Variants in ZBTB47 observed in about 807,000 individuals in gnomAD.
The protein encoded by ZBTB47 is zinc finger and BTB domain-containing protein 47.
In ZBTB47, 24 loss-of-function variants were observed where a neutral mutation model predicts 56.6. The observed-to-expected ratio is 0.42, with a 90% confidence interval of 0.31 to 0.60. ZBTB47 has a LOEUF of 0.60. ZBTB47 is among the 20% of genes least tolerant of loss of function. The probability of loss-of-function intolerance (pLI) is 0.14; values close to 1 mark genes in which losing one functional copy is unlikely to be tolerated. For synonymous variants in ZBTB47, 414 were observed against 418.9 expected, an observed-to-expected ratio of 0.99 and a Z score of 0.14; for missense variants, 829 against 1,032.6, an observed-to-expected ratio of 0.80 and a Z score of 2.70.
Position 42,665,620 on chromosome 3 carries a change from G to A in ZBTB47, c.*1022G>A, listed in dbSNP as rs181142432. 412 of 152,980 alleles carry A rather than the reference G, an allele frequency of 2.7e-3. 2 individuals are homozygous for A. The highest frequency in any genetic ancestry group is 3.6e-3 in the Non-Finnish European group (248 of 68,274). The allele number at this position is 152,980 out of a possible 1,614,324, so 9.5% of individuals were successfully genotyped here. On this transcript the variant is annotated 3_prime_UTR_variant, in exon 6 of 6. Transcript: ENST00000232974. ...TCCATCTCTGCTCCCCCAAAGGCCC[G>A]CTCTAGGCCTTATCCTCCCTCTAGG... is the stretch of plus-strand genomic sequence containing the variant.
chr3:42,664,709 C>A lies in ZBTB47; in HGVS notation c.*111C>A. The A allele has an allele frequency of 8.0e-7, 1 of 1,256,656 alleles. No homozygotes were observed. The highest frequency in any genetic ancestry group is 1.0e-6 in the Non-Finnish European group (1 of 984,712). The allele number at this position is 1,256,656 out of a possible 1,614,324, so 77.8% of individuals were successfully genotyped here. Reference sequence around the variant, plus strand: ...TAGTGCGGGCCTGGGCCCTGCTCCACCTCCAGAAGTGGCTGGATGTACCCT... The same window carrying A: ...TAGTGCGGGCCTGGGCCCTGCTCCAACTCCAGAAGTGGCTGGATGTACCCT... On this transcript the variant is annotated 3_prime_UTR_variant, in exon 6 of 6. Transcript: ENST00000232974.
At position 42,654,583 on chromosome 3, in the gene ZBTB47, C is replaced by G; in HGVS notation, c.-82+700C>G. 1.4e-6 allele frequency: 1 copy of G among 691,780 alleles called. No individual in the cohort carries two copies. Among genetic ancestry groups the G allele is most frequent in the Non-Finnish European group, 1.8e-6 (1 of 563,158 alleles). 42.9% of individuals were successfully genotyped at this position (691,780 alleles called of 1,614,324 possible). ...GCCCCCGGGGGCCATGGTCGCGGGG[C>G]CCTGCGCGGGGGCGGCCCCCAGCGC... On this transcript the variant is annotated intron_variant, in intron 1 of 5. Coordinates refer to ENST00000232974, the MANE Select transcript of ZBTB47 (RefSeq NM_145166.4). The surrounding 1 kb of genome is among the most constrained non-coding windows in gnomAD (Gnocchi z 5.0).
chr3:42,664,591 A>G lies in ZBTB47; in HGVS notation c.2237A>G (p.Asn746Ser). The G allele has an allele frequency of 7.1e-7, 1 of 1,401,874 alleles. No homozygotes were observed. Among genetic ancestry groups the G allele is most frequent in the East Asian group, 3.0e-5 (1 of 33,768 alleles). The allele number at this position is 1,401,874 out of a possible 1,614,324, so 86.8% of individuals were successfully genotyped here. Residue 746 changes from asparagine to serine, a missense_variant, in exon 6 of 6, where the codon AAC becomes AGC. By Grantham distance (46) the Asn-to-Ser change is conservative (BLOSUM62 1). Around this residue, in one of 6 missense-constraint regions of ZBTB47, gnomAD observed 115 missense variants for 117.2 expected, o/e 0.98. Transcript: ENST00000232974. ...TASPGGRMNA[N>S]N Reference sequence around the variant, plus strand: ...AGCCCCGGCGGGAGGATGAACGCCAACAACTAGCTGCCGAGCTGCACCCGT... The same window carrying G: ...AGCCCCGGCGGGAGGATGAACGCCAGCAACTAGCTGCCGAGCTGCACCCGT...
intron 5 of ZBTB47, 78 bp downstream of exon 5, chr3:42,664,019 A>G: frequency 6.6e-7 from 1 of 1,517,238 alleles, no homozygotes; most frequent in African/African-American, 1.4e-5. Context: ...ACCTGGAATA[A>G]TCTTGGCCAC....
chr3:42,653,487 C>G (rs1027541832), upstream of ZBTB47, among the ~76,000 whole-genome samples: 1 of 152,178 alleles, frequency 6.6e-6, no homozygotes, highest in Non-Finnish European at 1.5e-5. Flanking sequence ...CCACAGAGGC[C>G]TCTCCTCTAC....
In ZBTB47 at chr3:42,654,337, G is replaced by C. The variant is rs1019731213; in HGVS notation, c.-82+454G>C. The C allele has an allele frequency of 1.3e-5, 2 of 151,456 alleles. No individual in the cohort carries two copies. Among genetic ancestry groups the C allele is most frequent in the East Asian group, 1.9e-4 (1 of 5,162 alleles). 9.4% of individuals were successfully genotyped at this position (151,456 alleles called of 1,614,324 possible). On this transcript the variant is annotated intron_variant, in intron 1 of 5. Coordinates refer to ENST00000232974, the MANE Select transcript of ZBTB47 (RefSeq NM_145166.4). The surrounding 1 kb of genome is among the most constrained non-coding windows in gnomAD (Gnocchi z 5.0). ...GGGCTGGGGGTGGAGGGCAGCCTGC[G>C]GCAGGGCGGGCTGCACGGGGACCGC...
At position 42,661,593 on chromosome 3, in the gene ZBTB47, A is replaced by T; in HGVS notation, c.1582A>T (p.Lys528Ter). The T allele has an allele frequency of 6.2e-7, 1 of 1,613,960 alleles. No individual in the cohort carries two copies. The highest frequency in any genetic ancestry group is 8.5e-7 in the Non-Finnish European group (1 of 1,179,860). ...GTTCTCATGCGAGATCTGTGAGAAG[A>T]AGTTCTACACCATGGCCCACGTGCG... Reference protein sequence around the residue: ...KKFSCEICEKKFYTMAHVRKH... With the variant: ...KKFSCEICEK Residue 528 changes from lysine to a stop codon, truncating the protein, a stop_gained, in exon 3 of 6, where the codon AAG (lysine) becomes TAG (stop). Transcript: ENST00000232974. LOFTEE classifies it high-confidence loss of function.
chr3:42,658,802 A>C lies in ZBTB47; in HGVS notation c.447A>C (p.Pro149=). The C allele has an allele frequency of 6.5e-7, 1 of 1,533,742 alleles. No homozygotes were observed. Among genetic ancestry groups the C allele is most frequent in the South Asian group, 1.2e-5 (1 of 83,610 alleles). The change falls in exon 2 of 6, where the codon CCA becomes CCC. Residue 149 remains proline, a synonymous_variant. Coordinates refer to ENST00000232974, the MANE Select transcript of ZBTB47 (RefSeq NM_145166.4). ...ACATCAAGCAGGAGGCCGACACCCC[A>C]GGCCTGCCCAAGATCTATGCCCGCG... ...YCDIKQEADT[P]GLPKIYAREG... is the part of the protein sequence containing the mutation.
chr3:42,664,034 C>A lies in ZBTB47; in HGVS notation c.1882+93C>A, dbSNP rs150215540. On this transcript the variant is annotated intron_variant, in intron 5 of 5. Coordinates refer to ENST00000232974, the MANE Select transcript of ZBTB47 (RefSeq NM_145166.4). Reference sequence around the variant, plus strand: ...ACCTGGAATAATCTTGGCCACACCCCTTCTCAAGTCTGGGCCTCCGTTTAC... The same window carrying A: ...ACCTGGAATAATCTTGGCCACACCCATTCTCAAGTCTGGGCCTCCGTTTAC... 3.6e-4 allele frequency: 539 copies of A among 1,492,490 alleles called. 5 individuals carry two copies. The East Asian group carries it at 0.01, about 29-fold the overall frequency. 92.5% of individuals were successfully genotyped at this position (1,492,490 alleles called of 1,614,324 possible). A position where few individuals can be genotyped will look rare whatever the true frequency, so the allele number is the denominator to read the frequency against.
rs1423540361 is a variant in ZBTB47 at position 42,658,895 on chromosome 3, C to T, written c.540C>T (p.Ala180=). Residue 180 remains alanine, a synonymous_variant, in exon 2 of 6, where the codon GCC becomes GCT. Coordinates refer to ENST00000232974, the MANE Select transcript of ZBTB47 (RefSeq NM_145166.4). ...GGACTGCTGGTGGCACAGTGCCTGCCACCATTGGGCCAGCCCAGCCCTTCT... is the reference window on the plus strand; with the variant it reads ...GGACTGCTGGTGGCACAGTGCCTGCTACCATTGGGCCAGCCCAGCCCTTCT... The part of the protein sequence containing the change: ...GAGTAGGTVP[A]TIGPAQPFFK... The T allele has an allele frequency of 2.0e-6, 3 of 1,508,792 alleles. No individual in the cohort carries two copies. The highest frequency in any genetic ancestry group is 2.6e-6 in the Non-Finnish European group (3 of 1,132,434). 93.5% of individuals were successfully genotyped at this position (1,508,792 alleles called of 1,614,324 possible).
Position 42,659,906 on chromosome 3 carries a change from T to A in ZBTB47, c.1473+78T>A, listed in dbSNP as rs1217390545. On this transcript the variant is annotated intron_variant, in intron 2 of 5. Coordinates refer to ENST00000232974, the MANE Select transcript of ZBTB47 (RefSeq NM_145166.4). Reference sequence around the variant, plus strand: ...CCATAACTGGGCTCTGGGCACCTAGTGTCTTGCTGACTGCATTACCTAGGT... The same window carrying A: ...CCATAACTGGGCTCTGGGCACCTAGAGTCTTGCTGACTGCATTACCTAGGT... The A allele has an allele frequency of 6.1e-6, 9 of 1,473,428 alleles. No homozygotes were observed. The Admixed American group carries it at 1.2e-4, about 19-fold the overall frequency. The allele number at this position is 1,473,428 out of a possible 1,614,324, so 91.3% of individuals were successfully genotyped here.
chr3:42,655,033 T>G (rs1327782760), intron 1 of ZBTB47, among the ~76,000 whole-genome samples: 1 of 151,790 alleles, frequency 6.6e-6, no homozygotes, highest in African/African-American at 2.4e-5. Flanking sequence ...GCCTGGGCCT[T>G]GGGCCACGTG....
upstream of ZBTB47, among the ~76,000 whole-genome samples, chr3:42,653,139 C>G (rs1710586405): frequency 6.6e-6 from 1 of 152,162 alleles, no homozygotes; most frequent in Non-Finnish European, 1.5e-5. Context: ...TATCCTGAGG[C>G]CCTACGTATT....
At position 42,654,128 on chromosome 3, in the gene ZBTB47, G is replaced by C. The variant is rs912885765; in HGVS notation, c.-82+245G>C. 2.6e-5 allele frequency: 4 copies of C among 152,176 alleles called. No homozygotes were observed. The highest frequency in any genetic ancestry group is 9.7e-5 in the African/African-American group (4 of 41,428). The allele number at this position is 152,176 out of a possible 1,614,324, so 9.4% of individuals were successfully genotyped here. On this transcript the variant is annotated intron_variant, in intron 1 of 5. Coordinates refer to ENST00000232974, the MANE Select transcript of ZBTB47 (RefSeq NM_145166.4). This position sits in a 1 kb window ranked among gnomAD's most constrained non-coding sequence, Gnocchi z 5.0. Reference sequence around the variant, plus strand: ...TCTGTTCGGATCCGGGGCCCGGCGCGCTCAGCTTCCTGATTTCACGGCAGC... The same window carrying C: ...TCTGTTCGGATCCGGGGCCCGGCGCCCTCAGCTTCCTGATTTCACGGCAGC...
chr3:42,655,648 A>C (rs566778105), intron 1 of ZBTB47, among the ~76,000 whole-genome samples: 36 of 152,352 alleles, frequency 2.4e-4, no homozygotes, highest in African/African-American at 7.7e-4. Flanking sequence ...TCCGGGAACC[A>C]GCACATCTGG....
rs748847280 is a variant in ZBTB47, at chr3:42,666,685, G to A, written c.*2087G>A. Among the ~76,000 whole-genome samples, 5 of 152,322 alleles carry A rather than the reference G, an allele frequency of 3.3e-5. No homozygotes were observed. The highest frequency in any genetic ancestry group is 2.1e-4 in the South Asian group (1 of 4,828). ...ACAGCCTGAGTAGGCCTGAGTGGCC[G>A]TGGCCAGGCTGAGACCTGTCAGGCC... On this transcript the variant is annotated 3_prime_UTR_variant, in exon 6 of 6. Transcript: ENST00000232974.
chr3:42,658,686 G>T lies in ZBTB47; in HGVS notation c.331G>T (p.Ala111Ser). 2 of 1,536,254 alleles carry T rather than the reference G, an allele frequency of 1.3e-6. No homozygotes were observed. Among genetic ancestry groups the T allele is most frequent in the Non-Finnish European group, 1.7e-6 (2 of 1,146,848 alleles). The change falls in exon 2 of 6, where the codon GCC (alanine) becomes TCC (serine). Residue 111 changes from alanine to serine, a missense_variant. By Grantham distance (99) the Ala-to-Ser change is moderately conservative. This residue lies in a region of ZBTB47 where 120 missense variants were observed against 200.2 expected (regional missense o/e 0.60). Transcript: ENST00000232974. ...IAASCQELLD[A>S]RSLGPPGPGT... is the part of the protein sequence containing the mutation. ...TGCGTCCTGCCAAGAGCTGCTGGAC[G>T]CCCGCTCTCTAGGCCCACCAGGTCC...
Position 42,659,681 on chromosome 3 carries a change from A to C in ZBTB47, c.1326A>C (p.Pro442=). Residue 442 remains proline, a synonymous_variant, in exon 2 of 6, where the codon CCA becomes CCC. Coordinates refer to ENST00000232974, the MANE Select transcript of ZBTB47 (RefSeq NM_145166.4). Reference sequence around the variant, plus strand: ...AGCACCATCCATGCCAGAAGTGCCCACGAGTTTTCAACAACCGCTGGTACC... The same window carrying C: ...AGCACCATCCATGCCAGAAGTGCCCCCGAGTTTTCAACAACCGCTGGTACC... ...EKQHHPCQKC[P]RVFNNRWYLE... 6.2e-7 allele frequency: 1 copy of C among 1,613,046 alleles called. No homozygotes were observed. The highest frequency in any genetic ancestry group is 1.1e-5 in the South Asian group (1 of 90,904).
rs536467755 is a variant in ZBTB47, at chr3:42,661,370, G to A, written c.1474-115G>A. 2.4e-5 allele frequency: 29 copies of A among 1,223,304 alleles called. No individual in the cohort carries two copies. The South Asian group carries it at 3.9e-4, about 16-fold the overall frequency. The allele number at this position is 1,223,304 out of a possible 1,614,324, so 75.8% of individuals were successfully genotyped here. On this transcript the variant is annotated intron_variant, in intron 2 of 5. Coordinates refer to ENST00000232974, the MANE Select transcript of ZBTB47 (RefSeq NM_145166.4). ...GAGCTGGCTGGCTGTTGGCATCAAG[G>A]GCTCTCCAGCATATTTCAAGTGGGA... is the stretch of plus-strand genomic sequence containing the variant.
Sources: gnomAD v4.1 joint callset for allele counts (sites outside exome capture counted in the v4.1 genomes callset) on GRCh38, gnomAD v4.1.1 for gene constraint, gnomAD v4.1.1 regional missense constraint, Gnocchi (gnomAD v3.1) non-coding constraint, MANE v1.5 for transcripts, NCBI Gene and HGNC (gene_info 2026-07-23, HGNC 2026-07-21) for gene names.